The following GPC4 variants were observed in gnomAD, a reference collection of about 807,000 sequenced individuals.
The protein encoded by GPC4 is glypican 4.
GPC4 carries 10 observed loss-of-function variants against 35.0 expected under a neutral mutation model. The ratio of observed to expected loss-of-function variants is 0.29; its 90% confidence interval spans 0.18 to 0.48. GPC4 has a LOEUF of 0.48. Among genes scored for constraint, GPC4 ranks in the 20% least tolerant of loss-of-function variants. The probability of loss-of-function intolerance (pLI) is 0.99; values close to 1 mark genes in which losing one functional copy is unlikely to be tolerated. For synonymous variants in GPC4, 167 were observed against 170.2 expected (o/e 0.98, Z 0.15); for missense variants, 322 against 451.3 (o/e 0.71, Z 2.60).
At chrX:133,402,797 G>A (rs2068771592) in intron 1 of GPC4, among the ~76,000 whole-genome samples, 1 of 109,976 alleles carries the variant, frequency 9.1e-6, no homozygotes, top group East Asian at 2.9e-4. Flanking sequence ...CAGCTGCACA[G>A]GAGGCTGGGG....
chrX:133,362,427 T>A (rs1209849910), intron 1 of GPC4, among the ~76,000 whole-genome samples: 1 of 111,339 alleles, frequency 9.0e-6, no homozygotes, highest in Non-Finnish European at 1.9e-5. Flanking sequence ...TTAAGAATGG[T>A]TTTACAATTT....
intron 1 of GPC4, among the ~76,000 whole-genome samples, chrX:133,367,267 G>T (rs1354974439): frequency 9.0e-6 from 1 of 111,700 alleles, no homozygotes; most frequent in East Asian, 2.8e-4. Context: ...ATTCTACTCT[G>T]TGTGATCCTT....
intron 1 of GPC4, among the ~76,000 whole-genome samples, chrX:133,360,543 AAAGAAG>A (rs757290861): frequency 9.0e-6 from 1 of 111,066 alleles, no homozygotes; most frequent in African/African-American, 3.3e-5. Context: ...CGAAAAAAAA[AAAGAAG>A]AAGAAGAAGA....
rs754564535 is a variant in GPC4, at chrX:133,398,485, T to C, written c.160+16321A>G. On this transcript the variant is annotated intron_variant, in intron 1 of 8. Transcript: ENST00000370828. ...AACAAACTAAGAAATAGGGATCTAC[T>C]GGCCAGGCCCCGTGGCTCACGCCTG... Among the ~76,000 whole-genome samples, 94 of 111,571 alleles carry C rather than the reference T, an allele frequency of 8.4e-4. 2 individuals carry two copies. Among genetic ancestry groups the C allele is most frequent in the Non-Finnish European group, 1.9e-4 (10 of 53,085 alleles).
At chrX:133,316,403 C>T (rs1489770225) in intron 3 of GPC4, among the ~76,000 whole-genome samples, 1 of 111,411 alleles carries the variant, frequency 9.0e-6, no homozygotes, top group African/African-American at 3.3e-5. Context: ...ATGCTATGTA[C>T]CTAAATGGCT....
chrX:133,371,449 C>T (rs1434773906), intron 1 of GPC4, among the ~76,000 whole-genome samples: 1 of 112,090 alleles, frequency 8.9e-6, no homozygotes, highest in African/African-American at 3.2e-5. Flanking sequence ...AACTCACATA[C>T]ACATATATTA....
intron 1 of GPC4, among the ~76,000 whole-genome samples, chrX:133,362,464 CT>C (rs1341882718): frequency 8.9e-6 from 1 of 111,738 alleles, no homozygotes; most frequent in Admixed American, 9.5e-5. Context: ...TGAGATTGAA[CT>C]TTGATATAAA....
intron 3 of GPC4, among the ~76,000 whole-genome samples, chrX:133,320,515 T>C (rs1458982642): frequency 9.3e-6 from 1 of 107,454 alleles, no homozygotes; most frequent in Non-Finnish European, 1.9e-5. Context: ...TCCCAGCTAC[T>C]TGGGAGGCTG....
At chrX:133,321,838 C>T (rs191887188) in intron 3 of GPC4, among the ~76,000 whole-genome samples, 18 of 111,283 alleles carry the variant, frequency 1.6e-4, no homozygotes, top group African/African-American at 5.9e-4. Flanking sequence ...CTCATATGCC[C>T]CAATAAATAT....
At chrX:133,413,415 T>C (rs1337960461) in intron 1 of GPC4, among the ~76,000 whole-genome samples, 1 of 112,409 alleles carries the variant, frequency 8.9e-6, no homozygotes, top group Non-Finnish European at 1.9e-5. Flanking sequence ...TTGTAATTAA[T>C]ATGTAATTGA....
chrX:133,361,401 A>T (rs1393548075), intron 1 of GPC4, among the ~76,000 whole-genome samples: 1 of 111,849 alleles, frequency 8.9e-6, no homozygotes, highest in Non-Finnish European at 1.9e-5. Flanking sequence ...GAAAAGAGCT[A>T]AGTAAACATG....
chrX:133,302,696 C>G lies in GPC4; in HGVS notation c.*171G>C. On this transcript the variant is annotated 3_prime_UTR_variant, in exon 9 of 9. Transcript: ENST00000370828. ...AACTCAATGCACAGTCCCTTTTCCTCCCAAAACTGAATGAGAAAACAAAGT... is the reference window on the plus strand; with the variant it reads ...AACTCAATGCACAGTCCCTTTTCCTGCCAAAACTGAATGAGAAAACAAAGT... 2.1e-6 allele frequency: 1 copy of G among 476,307 alleles called. No individual in the cohort carries two copies. Among genetic ancestry groups the G allele is most frequent in the Non-Finnish European group, 3.5e-6 (1 of 284,356 alleles). The allele number at this position is 476,307 out of a possible 1,213,427, so 39.3% of individuals were successfully genotyped here.
intron 1 of GPC4, among the ~76,000 whole-genome samples, chrX:133,370,274 G>C (rs1325426852): frequency 2.7e-5 from 3 of 111,920 alleles, no homozygotes; most frequent in Non-Finnish European, 5.6e-5. Flanking sequence ...AATCTGTTTT[G>C]TCTTTTACTG....
At chrX:133,306,226 T>G in intron 4 of GPC4, 72 bp from the exon 5 acceptor site, 1 of 1,116,716 alleles carries the variant, frequency 9.0e-7, no homozygotes, top group South Asian at 1.9e-5. Flanking sequence ...GGTAAATCAA[T>G]CTGATTTTTT....
chrX:133,385,019 A>T (rs1314776085), intron 1 of GPC4, among the ~76,000 whole-genome samples: 2 of 112,235 alleles, frequency 1.8e-5, no homozygotes, highest in African/African-American at 6.5e-5. Context: ...TTGTACAAAA[A>T]TATTAAAATG....
chrX:133,323,565 C>T (rs1004688760), intron 3 of GPC4, among the ~76,000 whole-genome samples: 18 of 112,623 alleles, frequency 1.6e-4, no homozygotes, highest in African/African-American at 5.8e-4. Flanking sequence ...TCATCAGCTC[C>T]TGATCACATA....
At chrX:133,400,560 T>C (rs1485032850) in intron 1 of GPC4, among the ~76,000 whole-genome samples, 2 of 112,356 alleles carry the variant, frequency 1.8e-5, no homozygotes, top group Non-Finnish European at 3.8e-5. Context: ...CCCCAGCGCC[T>C]AGCAATTAAT....
intron 2 of GPC4, among the ~76,000 whole-genome samples, chrX:133,330,488 T>C (rs1406149323): frequency 8.9e-6 from 1 of 111,748 alleles, no homozygotes; most frequent in Non-Finnish European, 1.9e-5. Flanking sequence ...TCCTCCTGTT[T>C]TGCTTTTTTG....
chrX:133,382,928 G>A (rs1308727624), intron 1 of GPC4, among the ~76,000 whole-genome samples: 9 of 112,232 alleles, frequency 8.0e-5, no homozygotes, highest in Admixed American at 9.5e-5. Flanking sequence ...AGGTTATAGC[G>A]CAAGAGAAAC....
Sources: gnomAD v4.1 joint callset for allele counts (sites outside exome capture counted in the v4.1 genomes callset) on GRCh38, gnomAD v4.1.1 for gene constraint, MANE v1.5 for transcripts, NCBI Gene and HGNC (gene_info 2026-07-23, HGNC 2026-07-21) for gene names.